TJP2: variants seen among roughly 807,000 people sequenced by gnomAD.
TJP2 encodes the protein Friedreich ataxia region gene X104 (tight junction protein ZO-2).
Under a neutral mutation model 133.1 loss-of-function variants are expected in TJP2, and 91 were observed. That is an observed-to-expected ratio of 0.68 (90% CI 0.58 to 0.81). The LOEUF (loss-of-function observed/expected upper bound fraction) is 0.81, where lower values mean the gene tolerates loss of function less well. Among genes scored for constraint, TJP2 ranks in the 40% least tolerant of loss-of-function variants. TJP2 has a pLI of 0.00. For missense variants in TJP2, 1,541 were observed against 1,565.6 expected (o/e 0.98, Z 0.26); for synonymous variants, 592 against 583.4 (o/e 1.01, Z -0.21).
chr9:69,183,462 C>G (rs527350642), intron 1 of TJP2, among the ~76,000 whole-genome samples: 39 of 152,302 alleles, frequency 2.6e-4, no homozygotes, highest in African/African-American at 8.7e-4. Flanking sequence ...TCATCTTTCA[C>G]TCAACCTAAC....
chr9:69,172,514 C>T (rs1824743653), upstream of TJP2, among the ~76,000 whole-genome samples: 1 of 152,158 alleles, frequency 6.6e-6, no homozygotes, highest in Non-Finnish European at 1.5e-5. Flanking sequence ...AATGTAAACA[C>T]TTACTGGTGG....
At chr9:69,192,645 T>A (rs961668933) in intron 1 of TJP2, among the ~76,000 whole-genome samples, 2 of 152,226 alleles carry the variant, frequency 1.3e-5, no homozygotes, top group African/African-American at 4.8e-5. Flanking sequence ...ATGTTCTTAT[T>A]CTGGTGTGTA....
At chr9:69,151,220 G>A (rs750131199) in intron 1 of TJP2, among the ~76,000 whole-genome samples, 3 of 152,174 alleles carry the variant, frequency 2.0e-5, no homozygotes, top group African/African-American at 4.8e-5. Context: ...AGTGGCTGAC[G>A]CCTGTAATCC....
At chr9:69,233,776 C>CA (rs112402776) in intron 11 of TJP2, among the ~76,000 whole-genome samples, 3,702 of 143,980 alleles carry the variant, frequency 0.026, 96 homozygotes, top group African/African-American at 0.069. Context: ...GACTACATCT[C>CA]AAAAAAAAAA....
In TJP2 at chr9:69,199,849, C is replaced by T. The variant is rs80030559; in HGVS notation, c.61-12699C>T. ...TCAGGCAGCAGCTCGGATCCCATCT[C>T]TGACAGTGGTGGGCTGTGTACACTC... is the stretch of plus-strand genomic sequence containing the variant. On this transcript the variant is annotated intron_variant, in intron 1 of 22. Coordinates refer to ENST00000377245, the MANE Select transcript of TJP2 (RefSeq NM_004817.4). Among the ~76,000 whole-genome samples the T allele has an allele frequency of 4.1e-3, 631 of 152,290 alleles. 7 individuals are homozygous for T. The highest frequency in any genetic ancestry group is 0.014 in the African/African-American group (593 of 41,556).
intron 1 of TJP2, among the ~76,000 whole-genome samples, chr9:69,181,133 T>G (rs1825466366): frequency 1.3e-5 from 2 of 152,028 alleles, no homozygotes; most frequent in South Asian, 4.1e-4. Flanking sequence ...CAAAAAAAAT[T>G]ATAGAATTTC....
In TJP2 at chr9:69,227,747, T is replaced by A. The variant is rs766031004; in HGVS notation, c.1211-18T>A. The A allele has an allele frequency of 2.0e-6, 3 of 1,511,042 alleles. No homozygotes were observed. Among genetic ancestry groups the A allele is most frequent in the Non-Finnish European group, 2.8e-6 (3 of 1,090,728 alleles). The allele number at this position is 1,511,042 out of a possible 1,614,324, so 93.6% of individuals were successfully genotyped here. ...TTAAATATTTTATTTAAAAGTCTTT[T>A]CTTATTTTTGAAACTAGATATTTCA... On this transcript the variant is annotated intron_variant, in intron 7 of 22. Coordinates refer to ENST00000377245, the MANE Select transcript of TJP2 (RefSeq NM_004817.4).
rs754335612 is a variant in TJP2, at chr9:69,216,420, A to G, written c.196A>G (p.Ile66Val). The G allele has an allele frequency of 6.2e-7, 1 of 1,614,164 alleles. No homozygotes were observed. The highest frequency in any genetic ancestry group is 1.1e-5 in the South Asian group (1 of 91,084). ...TGAAAATGGAGAAACGTCAATTGTCATTTCTGATGTGCTCCCGGGTGGGCC... is the reference window on the plus strand; with the variant it reads ...TGAAAATGGAGAAACGTCAATTGTCGTTTCTGATGTGCTCCCGGGTGGGCC... ...HFENGETSIV[I>V]SDVLPGGPAD... Residue 66 changes from isoleucine (I) to valine (V), a missense_variant, in exon 3 of 23, where the codon ATT (isoleucine) becomes GTT (valine). By Grantham distance (29) the Ile-to-Val change is conservative (BLOSUM62 3). Transcript: ENST00000377245.
chr9:69,220,838 A>G (rs774956773), intron 4 of TJP2, 49 bp from the exon 5 acceptor site: 2 of 1,581,218 alleles, frequency 1.3e-6, no homozygotes, highest in Admixed American at 1.7e-5. Flanking sequence ...CCTTCTCCAC[A>G]TTCAGTTGTG....
chr9:69,238,199 T>C (rs919854630), intron 15 of TJP2, among the ~76,000 whole-genome samples: 1 of 152,172 alleles, frequency 6.6e-6, no homozygotes, highest in East Asian at 1.9e-4. Context: ...TATAACACTT[T>C]ATCCCTGAAT....
chr9:69,182,771 G>C (rs1825602491), intron 1 of TJP2, among the ~76,000 whole-genome samples: 1 of 149,318 alleles, frequency 6.7e-6, no homozygotes, highest in South Asian at 2.1e-4. Flanking sequence ...ATCTCAAGTA[G>C]AGAGCTTGAT....
intron 2 of TJP2, among the ~76,000 whole-genome samples, chr9:69,164,830 A>AT (rs1220235742): frequency 1.3e-5 from 2 of 151,598 alleles, no homozygotes; most frequent in African/African-American, 2.4e-5. Context: ...CTGGACCTGG[A>AT]TTTTTTTTCT....
At position 69,221,445 on chromosome 9, in the gene TJP2, G is replaced by A; in HGVS notation, c.901G>A (p.Gly301Arg). The change falls in exon 5 of 23, where the codon GGG becomes AGG. Residue 301 changes from glycine to arginine, a missense_variant. Gly to Arg is a moderately radical substitution (Grantham distance 125, BLOSUM62 -2). Transcript: ENST00000377245. The part of the protein sequence containing the change: ...HSRSPSPEPR[G>R]RPGPIGVLLM... ...ACGGAGCCCCAGCCCCGAGCCTAGGGGGCGGCCGGGGCCCATCGGGGTCCT... is the reference window on the plus strand; with the variant it reads ...ACGGAGCCCCAGCCCCGAGCCTAGGAGGCGGCCGGGGCCCATCGGGGTCCT... 1 of 1,594,918 alleles carries A rather than the reference G, an allele frequency of 6.3e-7. No homozygotes were observed. Among genetic ancestry groups the A allele is most frequent in the Non-Finnish European group, 8.5e-7 (1 of 1,170,598 alleles).
intron 11 of TJP2, among the ~76,000 whole-genome samples, chr9:69,231,272 C>T (rs961644836): frequency 6.6e-6 from 1 of 151,926 alleles, no homozygotes; most frequent in Non-Finnish European, 1.5e-5. Context: ...TAATTTTTGT[C>T]TTTTTAGTAG....
chr9:69,185,470 C>T (rs150033061), intron 1 of TJP2, among the ~76,000 whole-genome samples: 2 of 152,258 alleles, frequency 1.3e-5, no homozygotes, highest in Admixed American at 6.5e-5. Context: ...AAGGGCCTTC[C>T]AGATTCTGTA....
rs73449173 is a variant in TJP2 at position 69,175,816 on chromosome 9, A to C, written c.60+1384A>C. On this transcript the variant is annotated intron_variant, in intron 1 of 22. Transcript: ENST00000377245. The stretch of plus-strand genomic sequence containing the variant: ...AGGTGTTTCTTGTGTTTTTTTCAGA[A>C]CTACTTCTGCAGTGGGGCCACTTTA... Among the ~76,000 whole-genome samples the C allele has an allele frequency of 1.1e-3, 173 of 152,216 alleles. 2 individuals are homozygous for C. Among genetic ancestry groups the C allele is most frequent in the African/African-American group, 4.1e-3 (169 of 41,534 alleles).
intron 2 of TJP2, among the ~76,000 whole-genome samples, chr9:69,156,089 G>T (rs1455690031): frequency 6.6e-6 from 1 of 152,200 alleles, no homozygotes; most frequent in Non-Finnish European, 1.5e-5. Flanking sequence ...GTTTGGCCAG[G>T]CAGGGTGGCT....
chr9:69,121,359 G>A (rs999854015), upstream of TJP2: 1 of 985,354 alleles, frequency 1.0e-6, no homozygotes, highest in Non-Finnish European at 1.2e-6. Context: ...CGGTCTCAAG[G>A]AAGCAGGTGA....
intron 17 of TJP2, among the ~76,000 whole-genome samples, chr9:69,242,155 CTG>C (rs1380265209): frequency 1.3e-4 from 20 of 152,352 alleles, no homozygotes; most frequent in African/African-American, 2.4e-5. Flanking sequence ...CAGCCAGTGA[CTG>C]TGGGGCTCTC....
Sources: allele counts gnomAD v4.1 joint callset (sites outside exome capture counted in the v4.1 genomes callset), GRCh38; gene constraint gnomAD v4.1.1; transcripts MANE v1.5; gene names NCBI Gene and HGNC (gene_info 2026-07-23, HGNC 2026-07-21).